ARHGAP21: variants seen among roughly 807,000 people sequenced by gnomAD.
ARHGAP21 encodes the protein rho GTPase-activating protein 21.
ARHGAP21 carries 38 observed loss-of-function variants against 164.6 expected under a neutral mutation model. The observed-to-expected ratio is 0.23, with a 90% CI of 0.18 to 0.30. The LOEUF is 0.30. Among genes scored for constraint, ARHGAP21 ranks in the 10% least tolerant of loss-of-function variants. The pLI is 1.00. For missense variants in ARHGAP21, 1,822 were observed against 2,370.7 expected, an observed-to-expected ratio of 0.77 and a Z score of 4.81; for synonymous variants, 766 against 857.9, an observed-to-expected ratio of 0.89 and a Z score of 1.87.
chr10:24,598,138 G>A (rs887469013), intron 14 of ARHGAP21, 129 bp from the exon 15 acceptor site: 63 of 691,612 alleles, frequency 9.1e-5, no homozygotes, highest in Non-Finnish European at 1.3e-4. Flanking sequence ...TCTCAGTGGA[G>A]CTGTTTCAAA....
In ARHGAP21 at chr10:24,595,241, T is replaced by C; in HGVS notation, c.3713-51A>G. The stretch of plus-strand genomic sequence containing the variant: ...TTTATCTTAAATTGCCTAGGTGAAT[T>C]GTAATCTAGTTTCCCTTTAAGGATC... On this transcript the variant is annotated intron_variant, in intron 19 of 25. Transcript: ENST00000396432. 5 of 1,427,902 alleles carry C rather than the reference T, an allele frequency of 3.5e-6. No homozygotes were observed. The South Asian group carries it at 4.9e-5, about 14-fold the overall frequency. The allele number at this position is 1,427,902 out of a possible 1,614,324, so 88.5% of individuals were successfully genotyped here. A position where few individuals can be genotyped will look rare whatever the true frequency, so the allele number is the denominator to read the frequency against.
chr10:24,721,547 G>A (rs942890812), intron 2 of ARHGAP21, among the ~76,000 whole-genome samples: 1 of 152,308 alleles, frequency 6.6e-6, no homozygotes, highest in East Asian at 1.9e-4. Context: ...CAGGCTTGTA[G>A]CATCCACAGC....
At chr10:24,695,192 C>T (rs1389131970) in intron 2 of ARHGAP21, among the ~76,000 whole-genome samples, 1 of 151,784 alleles carries the variant, frequency 6.6e-6, no homozygotes, top group Non-Finnish European at 1.5e-5. Flanking sequence ...ACCGTGATTC[C>T]CACCTTGCAA....
At chr10:24,621,391 G>T (rs375058195) in intron 8 of ARHGAP21, 22 bp from the exon 9 acceptor site, 2 of 1,534,306 alleles carry the variant, frequency 1.3e-6, no homozygotes, top group Non-Finnish European at 1.8e-6. Flanking sequence ...TGAGAGGAAG[G>T]TGTCACTGGA....
At chr10:24,601,909 AC>A in intron 13 of ARHGAP21, 68 bp downstream of exon 13, 1 of 1,386,190 alleles carries the variant, frequency 7.2e-7, no homozygotes, top group Non-Finnish European at 9.4e-7. Context: ...TTTTATGTAT[AC>A]AGGCTTTATG....
Position 24,633,458 on chromosome 10 carries a change from A to G in ARHGAP21, c.384T>C (p.Asn128=), listed in dbSNP as rs1836035981. 6.2e-7 allele frequency: 1 copy of G among 1,611,210 alleles called. No homozygotes were observed. Among genetic ancestry groups the G allele is most frequent in the Admixed American group, 1.7e-5 (1 of 59,886 alleles). Reference sequence around the variant, plus strand: ...AGGTTTTGCCAATAACACTTTCTCCATTGACTTTTATAATTCGGTCACCTT... The same window carrying G: ...AGGTTTTGCCAATAACACTTTCTCCGTTGACTTTTATAATTCGGTCACCTT... ...LCTGDRIIKV[N]GESVIGKTYS... The change falls in exon 6 of 26, where the codon AAT becomes AAC. Residue 128 remains asparagine (N), a synonymous_variant. Coordinates refer to ENST00000396432, the MANE Select transcript of ARHGAP21 (RefSeq NM_020824.4).
rs547841916 is a variant in ARHGAP21, at chr10:24,584,181, T to C, written c.*231A>G. 2.1e-3 allele frequency: 449 copies of C among 213,340 alleles called. 2 individuals are homozygous for C. The highest frequency in any genetic ancestry group is 9.5e-3 in the African/African-American group (410 of 42,980). The allele number at this position is 213,340 out of a possible 1,614,324, so 13.2% of individuals were successfully genotyped here. A position where few individuals can be genotyped will look rare whatever the true frequency, so the allele number is the denominator to read the frequency against. On this transcript the variant is annotated 3_prime_UTR_variant, in exon 26 of 26. Coordinates refer to ENST00000396432, the MANE Select transcript of ARHGAP21 (RefSeq NM_020824.4). The stretch of plus-strand genomic sequence containing the variant: ...ATGCTATGTAGTAAGTTGCAACAAA[T>C]ACCTTGCTCATTTGTATACAACTAT...
chr10:24,702,297 AT>A (rs376183025), intron 2 of ARHGAP21, among the ~76,000 whole-genome samples: 1 of 151,360 alleles, frequency 6.6e-6, no homozygotes, highest in East Asian at 2.0e-4. Context: ...CGCCTGGCTA[AT>A]TTTTTTGTAT....
chr10:24,668,777 T>C (rs1312950513), intron 3 of ARHGAP21, among the ~76,000 whole-genome samples: 1 of 152,192 alleles, frequency 6.6e-6, no homozygotes, highest in Non-Finnish European at 1.5e-5. Context: ...GAGGGTTTAT[T>C]GTACTGTGCT....
At position 24,670,400 on chromosome 10, in the gene ARHGAP21, A is replaced by T; in HGVS notation, c.64-3T>A. The stretch of plus-strand genomic sequence containing the variant: ...TTTCCATCTTTATTTTTTGAGACCT[A>T]AAGTGAAAAGATATTTAAAAGTTAA... On this transcript the variant is annotated splice_region_variant and splice_polypyrimidine_tract_variant and intron_variant, in intron 2 of 25. Coordinates refer to ENST00000396432, the MANE Select transcript of ARHGAP21 (RefSeq NM_020824.4). 6.3e-7 allele frequency: 1 copy of T among 1,576,942 alleles called. No individual in the cohort carries two copies. Among genetic ancestry groups the T allele is most frequent in the African/African-American group, 1.4e-5 (1 of 73,836 alleles).
intron 2 of ARHGAP21, among the ~76,000 whole-genome samples, chr10:24,716,409 A>G (rs1845384065): frequency 6.6e-6 from 1 of 152,230 alleles, no homozygotes; most frequent in African/African-American, 2.4e-5. Flanking sequence ...GAGCCAAGGA[A>G]GCAAGCTGTG....
intron 9 of ARHGAP21, among the ~76,000 whole-genome samples, chr10:24,612,856 AAAATAAAT>A (rs71506841): frequency 1.3e-5 from 2 of 150,058 alleles, no homozygotes; most frequent in East Asian, 3.9e-4. Context: ...CTCTGTTTCA[AAAATAAAT>A]AAATAAATAA....
intron 9 of ARHGAP21, 45 bp downstream of exon 9, chr10:24,619,428 T>C (rs1253306086): frequency 6.5e-7 from 1 of 1,530,302 alleles, no homozygotes; most frequent in Non-Finnish European, 8.9e-7. Flanking sequence ...TGGAAAGATT[T>C]CTTATACATT....
intron 2 of ARHGAP21, among the ~76,000 whole-genome samples, chr10:24,673,451 TAATACA>T (rs1375161263): frequency 6.6e-6 from 1 of 152,212 alleles, no homozygotes; most frequent in Non-Finnish European, 1.5e-5. Context: ...TGTACAAGTA[TAATACA>T]AATACTTGTA....
At chr10:24,720,047 T>C (rs189390746) in intron 2 of ARHGAP21, among the ~76,000 whole-genome samples, 37 of 152,266 alleles carry the variant, frequency 2.4e-4, no homozygotes, top group African/African-American at 7.9e-4. Context: ...ACAGGTGATA[T>C]TGTGTTTTCT....
chr10:24,600,554 T>C lies in ARHGAP21; in HGVS notation c.3132+92A>G, dbSNP rs541864670. 5.6e-6 allele frequency: 8 copies of C among 1,429,938 alleles called. No homozygotes were observed. The South Asian group carries it at 1.1e-4, about 19-fold the overall frequency. The allele number at this position is 1,429,938 out of a possible 1,614,324, so 88.6% of individuals were successfully genotyped here. A position where few individuals can be genotyped will look rare whatever the true frequency, so the allele number is the denominator to read the frequency against. Reference sequence around the variant, plus strand: ...ACATGAAAATAGCACATTATAATTTTTTTATAAAAATGATATATCATATTC... The same window carrying C: ...ACATGAAAATAGCACATTATAATTTCTTTATAAAAATGATATATCATATTC... On this transcript the variant is annotated intron_variant, in intron 14 of 25. Transcript: ENST00000396432.
chr10:24,601,232 C>T (rs571273300), intron 13 of ARHGAP21, among the ~76,000 whole-genome samples: 58 of 152,226 alleles, frequency 3.8e-4, no homozygotes, highest in African/African-American at 1.3e-3. Flanking sequence ...AAAACAGTAA[C>T]GGAATAGAAA....
chr10:24,697,724 G>A (rs1012350009), intron 2 of ARHGAP21, among the ~76,000 whole-genome samples: 9 of 152,168 alleles, frequency 5.9e-5, no homozygotes, highest in Admixed American at 3.3e-4. Flanking sequence ...GCCGGGCATG[G>A]TGGTGTGCAG....
intron 21 of ARHGAP21, among the ~76,000 whole-genome samples, chr10:24,594,009 C>G (rs1203216649): frequency 6.6e-6 from 1 of 152,066 alleles, no homozygotes; most frequent in Non-Finnish European, 1.5e-5. Flanking sequence ...TTACAACTTC[C>G]AGAACATGCA....
Sources: gnomAD v4.1 joint callset for allele counts (sites outside exome capture counted in the v4.1 genomes callset) on GRCh38, gnomAD v4.1.1 for gene constraint, MANE v1.5 for transcripts, NCBI Gene and HGNC (gene_info 2026-07-23, HGNC 2026-07-21) for gene names.